Variants in GRB10 observed in about 807,000 individuals in gnomAD.
The protein encoded by GRB10 is growth factor receptor-bound protein 10.
GRB10 carries 20 observed loss-of-function variants against 80.9 expected under a neutral mutation model. The observed-to-expected ratio is 0.25, with a 90% CI of 0.17 to 0.36. The LOEUF is 0.36. Ranked by LOEUF, GRB10 falls within the 10% of genes least tolerant of loss-of-function variation. GRB10 has a pLI of 1.00. For synonymous variants in GRB10, 291 were observed against 291.5 expected, an observed-to-expected ratio of 1.00 and a Z score of 0.02; for missense variants, 548 against 747.7, an observed-to-expected ratio of 0.73 and a Z score of 3.12.
intron 2 of GRB10, among the ~76,000 whole-genome samples, chr7:50,760,488 G>A (rs2075639119): frequency 6.6e-6 from 1 of 152,312 alleles, no homozygotes; most frequent in South Asian, 2.1e-4. Flanking sequence ...AATGTAGTAT[G>A]TATCTATCTA....
At chr7:50,655,917 C>A (rs1214953888) in intron 7 of GRB10, among the ~76,000 whole-genome samples, 1 of 152,234 alleles carries the variant, frequency 6.6e-6, no homozygotes, top group Non-Finnish European at 1.5e-5. Flanking sequence ...GCTCTCCCCA[C>A]ATGATGGAAT....
At chr7:50,714,533 GGC>G (rs1446157100) in intron 4 of GRB10, among the ~76,000 whole-genome samples, 1 of 151,970 alleles carries the variant, frequency 6.6e-6, no homozygotes, top group Non-Finnish European at 1.5e-5. Flanking sequence ...TGTGGTGGCG[GGC>G]GCCTGTAGTC....
intron 5 of GRB10, among the ~76,000 whole-genome samples, chr7:50,683,986 TA>T (rs2061823576): frequency 1.3e-5 from 2 of 152,216 alleles, no homozygotes; most frequent in South Asian, 4.1e-4. Flanking sequence ...ATTTTCAGTA[TA>T]AATGTGTATG....
intron 3 of GRB10, among the ~76,000 whole-genome samples, chr7:50,738,805 G>A (rs182698506): frequency 1.8e-4 from 27 of 152,242 alleles, no homozygotes; most frequent in African/African-American, 2.6e-4. Context: ...CTCATTAACC[G>A]TTGTCAGATG....
At chr7:50,598,953 A>G (rs1429277711) in intron 17 of GRB10, among the ~76,000 whole-genome samples, 1 of 122,014 alleles carries the variant, frequency 8.2e-6, no homozygotes, top group East Asian at 2.3e-4. Flanking sequence ...TGGGCATGGC[A>G]GGGGGGGCAT....
chr7:50,777,023 A>G (rs564053385), intron 2 of GRB10, among the ~76,000 whole-genome samples: 161 of 89,744 alleles, frequency 1.8e-3, no homozygotes, highest in Middle Eastern at 5.8e-3. Flanking sequence ...CTATAACAAC[A>G]CCCACTCTCA....
intron 5 of GRB10, among the ~76,000 whole-genome samples, chr7:50,679,379 G>C (rs576007614): frequency 1.7e-4 from 26 of 152,162 alleles, no homozygotes; most frequent in Non-Finnish European, 3.2e-4. Context: ...GAGAAACTCC[G>C]GGGACAGAGG....
intron 2 of GRB10, among the ~76,000 whole-genome samples, chr7:50,778,000 T>C (rs531146651): frequency 3.3e-5 from 5 of 152,236 alleles, no homozygotes; most frequent in Non-Finnish European, 5.9e-5. Flanking sequence ...GACAGGTTGA[T>C]AGATGTAGCA....
chr7:50,784,279 CT>C (rs1406818457), upstream of GRB10, among the ~76,000 whole-genome samples: 1 of 152,236 alleles, frequency 6.6e-6, no homozygotes, highest in Non-Finnish European at 1.5e-5. Flanking sequence ...AATTATGTAA[CT>C]TATCCAAAGT....
chr7:50,620,480 C>A (rs911491854), intron 8 of GRB10, among the ~76,000 whole-genome samples: 39 of 66,080 alleles, frequency 5.9e-4, no homozygotes, highest in African/African-American at 1.3e-3. Flanking sequence ...CTCAGATGAG[C>A]CCCGACCGGC....
chr7:50,637,313 TGATAAAC>T (rs2055234807), intron 7 of GRB10, among the ~76,000 whole-genome samples: 1 of 152,192 alleles, frequency 6.6e-6, no homozygotes, highest in South Asian at 2.1e-4. Context: ...CTCCTAGACT[TGATAAAC>T]GACTTCAGTA....
At chr7:50,765,202 C>G (rs1414336229) in intron 2 of GRB10, among the ~76,000 whole-genome samples, 1 of 152,146 alleles carries the variant, frequency 6.6e-6, no homozygotes, top group African/African-American at 2.4e-5. Flanking sequence ...AAGGGGACCC[C>G]CTATACTCTG....
chr7:50,717,147 C>T (rs2066997270), intron 4 of GRB10, among the ~76,000 whole-genome samples: 1 of 152,226 alleles, frequency 6.6e-6, no homozygotes. Flanking sequence ...AAAACACATG[C>T]TAGCTCCCTT....
chr7:50,629,279 C>T (rs375837110), intron 7 of GRB10, among the ~76,000 whole-genome samples: 1 of 151,926 alleles, frequency 6.6e-6, no homozygotes. Context: ...TTCAGCCCTG[C>T]TGCATTTTTC....
At chr7:50,609,925 A>T (rs947135055) in intron 13 of GRB10, among the ~76,000 whole-genome samples, 15 of 152,214 alleles carry the variant, frequency 9.9e-5, no homozygotes, top group Non-Finnish European at 2.1e-4. Flanking sequence ...AAGTTATAAG[A>T]TTTATTCATT....
intron 4 of GRB10, chr7:50,710,855 G>C: frequency 6.2e-7 from 1 of 1,611,958 alleles, no homozygotes. Flanking sequence ...CTGAGTGTTC[G>C]GTAGACAGCG....
At chr7:50,694,455 T>C (rs1232356399) in intron 5 of GRB10, among the ~76,000 whole-genome samples, 1 of 152,230 alleles carries the variant, frequency 6.6e-6, no homozygotes, top group Non-Finnish European at 1.5e-5. Flanking sequence ...ATGCTAAAAA[T>C]GAGTTTTGGG....
At chr7:50,770,061 C>G (rs2076827039) in intron 2 of GRB10, among the ~76,000 whole-genome samples, 1 of 152,300 alleles carries the variant, frequency 6.6e-6, no homozygotes, top group African/African-American at 2.4e-5. Flanking sequence ...TTGTGCATCA[C>G]AGCCCCCACA....
In GRB10 at chr7:50,614,951, G is replaced by T. The variant is rs143892291; in HGVS notation, c.985-71C>A. The T allele has an allele frequency of 9.0e-4, 848 of 943,570 alleles. 1 individual carries two copies. Among genetic ancestry groups the T allele is most frequent in the Non-Finnish European group, 1.2e-3 (691 of 570,638 alleles). 58.4% of individuals were successfully genotyped at this position (943,570 alleles called of 1,614,324 possible). ...CAAATGTGTTCACCTCTGGTAGACA[G>T]AGGGCAGTCTCTGCACACTTACAAG... On this transcript the variant is annotated intron_variant, in intron 11 of 18. Transcript: ENST00000401949.
Sources: allele counts gnomAD v4.1 joint callset (sites outside exome capture counted in the v4.1 genomes callset), GRCh38; gene constraint gnomAD v4.1.1; transcripts MANE v1.5; gene names NCBI Gene and HGNC (gene_info 2026-07-23, HGNC 2026-07-21).